The following ILRUN variants were observed in gnomAD, a reference collection of about 807,000 sequenced individuals.
ILRUN encodes inflammation and lipid regulator with UBA-like and NBR1-like domains, also known as protein ILRUN.
ILRUN carries 3 observed loss-of-function variants against 33.8 expected under a neutral mutation model. The ratio of observed to expected loss-of-function variants is 0.09; its 90% CI spans 0.04 to 0.23. ILRUN has a LOEUF of 0.23. Ranked by LOEUF, ILRUN falls within the 10% of genes least tolerant of loss-of-function variation. The pLI is 1.00. For synonymous variants in ILRUN, 124 were observed against 138.9 expected (o/e 0.89, Z 0.75); for missense variants, 210 against 375.1 (o/e 0.56, Z 3.64).
intron 1 of ILRUN, among the ~76,000 whole-genome samples, chr6:34,663,782 C>T (rs1762941530): frequency 6.6e-6 from 1 of 152,158 alleles, no homozygotes; most frequent in Non-Finnish European, 1.5e-5. Flanking sequence ...TATCATGTTT[C>T]AGAACATTTT....
intron 3 of ILRUN, chr6:34,616,893 A>C: frequency 1.6e-6 from 1 of 644,340 alleles, no homozygotes; most frequent in Non-Finnish European, 2.9e-6. Context: ...AAGCTCAACA[A>C]GGCTTCAATT....
rs74849749 is a variant in ILRUN at position 34,689,559 on chromosome 6, A to G, written c.158+6887T>C. On this transcript the variant is annotated intron_variant, in intron 1 of 4. Transcript: ENST00000374023. ...TGACACACATTTATTTAAGGAAACC[A>G]ATATTAATAGAAGTATTATCTCTAT... Among the ~76,000 whole-genome samples the G allele has an allele frequency of 2.8e-4, 43 of 152,186 alleles. No homozygotes were observed. The East Asian group carries it at 7.5e-3, about 27-fold the overall frequency.
At chr6:34,667,114 T>C (rs140180947) in intron 1 of ILRUN, among the ~76,000 whole-genome samples, 88 of 152,248 alleles carry the variant, frequency 5.8e-4, no homozygotes, top group South Asian at 2.3e-3. Context: ...AATCTATCTA[T>C]AGTTTATTCT....
Position 34,599,958 on chromosome 6 carries a change from T to C in ILRUN, c.861+6597A>G, listed in dbSNP as rs1374649520. 1.3e-5 allele frequency among the ~76,000 whole-genome samples: 2 copies of C among 152,210 alleles called. 1 individual carries two copies. On this transcript the variant is annotated intron_variant, in intron 4 of 4. Transcript: ENST00000374023. ...ACCTATTAGCAAATCCTGTTAGCTC[T>C]AGCTACACAATATAGATCCGGACAT... is the stretch of plus-strand genomic sequence containing the variant.
chr6:34,660,711 AG>A (rs2127370330), intron 1 of ILRUN, among the ~76,000 whole-genome samples: 1 of 152,316 alleles, frequency 6.6e-6, no homozygotes, highest in African/African-American at 2.4e-5. Flanking sequence ...GCTCTTAACC[AG>A]GGCCTTCCAA....
intron 3 of ILRUN, among the ~76,000 whole-genome samples, chr6:34,623,900 C>T (rs1012454471): frequency 6.6e-6 from 1 of 152,094 alleles, no homozygotes; most frequent in East Asian, 1.9e-4. Flanking sequence ...GTCACAATCT[C>T]GGCTCACCGC....
chr6:34,678,218 T>C (rs1763280826), intron 1 of ILRUN, among the ~76,000 whole-genome samples: 1 of 152,078 alleles, frequency 6.6e-6, no homozygotes, highest in Non-Finnish European at 1.5e-5. Context: ...TTTTGTATTT[T>C]TTAGTAGAGA....
chr6:34,676,961 T>C (rs558706576), intron 1 of ILRUN, among the ~76,000 whole-genome samples: 1 of 149,372 alleles, frequency 6.7e-6, no homozygotes, highest in Admixed American at 6.7e-5. Context: ...CTTCTCGGAA[T>C]TTGCCCCAAA....
At chr6:34,666,299 C>A (rs961588241) in intron 1 of ILRUN, among the ~76,000 whole-genome samples, 4 of 152,200 alleles carry the variant, frequency 2.6e-5, no homozygotes, top group Non-Finnish European at 5.9e-5. Context: ...GTGGCTCATG[C>A]CTGTAATCCC....
rs1561993726 is a variant in ILRUN at position 34,592,596 on chromosome 6, A to AT, written c.862-1997dup. Among the ~76,000 whole-genome samples the AT allele has an allele frequency of 2.0e-5, 3 of 152,180 alleles. No homozygotes were observed. The East Asian group carries it at 5.8e-4, about 29-fold the overall frequency. Reference sequence around the variant, plus strand: ...GCCATTATTTTTATTTTTATTTTTTATTTTTATTTTTTTCAAGACAGAGTC... The same window carrying AT: ...GCCATTATTTTTATTTTTATTTTTTATTTTTTATTTTTTTCAAGACAGAGTC... On this transcript the variant is annotated intron_variant, in intron 4 of 4. Coordinates refer to ENST00000374023, the MANE Select transcript of ILRUN (RefSeq NM_024294.4). The surrounding 1 kb of genome is among the most constrained non-coding windows in gnomAD (Gnocchi z 4.0).
intron 1 of ILRUN, among the ~76,000 whole-genome samples, chr6:34,682,021 C>CTTTTTTTTTTTTTTTTT (rs1377020252): frequency 7.7e-6 from 1 of 130,018 alleles, no homozygotes; most frequent in African/African-American, 3.0e-5. Flanking sequence ...CCCACTAATT[C>CTTTTTTTTTTTTTTTTT]TTATATTTTT....
At chr6:34,682,899 G>A (rs1763397630) in intron 1 of ILRUN, among the ~76,000 whole-genome samples, 1 of 151,282 alleles carries the variant, frequency 6.6e-6, no homozygotes, top group Non-Finnish European at 1.5e-5. Flanking sequence ...TTATTTCTCT[G>A]ATGTGAAAAA....
chr6:34,672,284 G>C (rs1384750616), intron 1 of ILRUN, among the ~76,000 whole-genome samples: 1 of 152,050 alleles, frequency 6.6e-6, no homozygotes, highest in South Asian at 2.1e-4. Context: ...AGTAGAGATG[G>C]GGGTTTCGCC....
At chr6:34,655,605 T>C (rs899711152) in intron 1 of ILRUN, among the ~76,000 whole-genome samples, 4 of 152,208 alleles carry the variant, frequency 2.6e-5, no homozygotes, top group African/African-American at 9.7e-5. Context: ...ATTTAACCAG[T>C]GGACTTTTGA....
chr6:34,613,924 G>A (rs1438911296), intron 3 of ILRUN, among the ~76,000 whole-genome samples: 1 of 152,134 alleles, frequency 6.6e-6, no homozygotes, highest in African/African-American at 2.4e-5. Context: ...GGCTGATTCT[G>A]CGGCTAGGGC....
chr6:34,597,382 C>A (rs6936924), intron 4 of ILRUN, among the ~76,000 whole-genome samples: 4,574 of 152,222 alleles, frequency 0.03, 185 homozygotes, highest in African/African-American at 0.088. Flanking sequence ...AGAGGAAGAA[C>A]GAACAGTAAC....
intron 2 of ILRUN, among the ~76,000 whole-genome samples, chr6:34,650,407 TTTTATTTATTTATTTATTTATTTA>T (rs56072656): frequency 1.7e-4 from 24 of 141,440 alleles, no homozygotes; most frequent in African/African-American, 3.1e-4. Flanking sequence ...ATTTATTTAT[TTTTATTTATTTATTTATTTATTTA>T]TTTATTTATT....
At position 34,654,791 on chromosome 6, in the gene ILRUN, GA is replaced by G. The variant is rs530295125; in HGVS notation, c.159-13del. Reference sequence around the variant, plus strand: ...CTGCTTGTAGGTTCCTATAGAAAAAGAGAAAAGGCAACAGACTTCAGTACTG... The same window carrying G: ...CTGCTTGTAGGTTCCTATAGAAAAAGGAAAAGGCAACAGACTTCAGTACTG... On this transcript the variant is annotated splice_polypyrimidine_tract_variant and intron_variant, in intron 1 of 4. Coordinates refer to ENST00000374023, the MANE Select transcript of ILRUN (RefSeq NM_024294.4). 1.8e-3 allele frequency: 2,844 copies of G among 1,610,532 alleles called. 80 individuals carry two copies. In the South Asian group the frequency reaches 0.03, roughly 17 times the overall value.
At chr6:34,633,556 C>G (rs927409298) in intron 3 of ILRUN, among the ~76,000 whole-genome samples, 11 of 151,848 alleles carry the variant, frequency 7.2e-5, no homozygotes, top group African/African-American at 2.7e-4. Flanking sequence ...ATAAATTAAA[C>G]AAAAAATCAA....
Sources: allele counts gnomAD v4.1 joint callset (sites outside exome capture counted in the v4.1 genomes callset), GRCh38; gene constraint gnomAD v4.1.1; non-coding constraint Gnocchi (gnomAD v3.1); transcripts MANE v1.5; gene names NCBI Gene and HGNC (gene_info 2026-07-23, HGNC 2026-07-21).